Variants in LSAMP observed in about 807,000 individuals in gnomAD.
LSAMP encodes the protein limbic system-associated membrane protein.
A neutral mutation model predicts 38.6 loss-of-function variants in LSAMP; 7 were observed. That is an observed-to-expected ratio of 0.18 (90% CI 0.10 to 0.34). The LOEUF (loss-of-function observed/expected upper bound fraction) is 0.34. Ranked by LOEUF, LSAMP falls within the 10% of genes least tolerant of loss-of-function variation. The probability of loss-of-function intolerance (pLI) is 1.00; values close to 1 mark genes in which losing one functional copy is unlikely to be tolerated. For synonymous variants in LSAMP, 154 were observed against 166.8 expected, an observed-to-expected ratio of 0.92 and a Z score of 0.59; for missense variants, 313 against 420.0, an observed-to-expected ratio of 0.75 and a Z score of 2.23.
chr3:116,113,263 T>G lies in LSAMP; in HGVS notation c.156-26707A>C, dbSNP rs1421325724. Among the ~76,000 whole-genome samples, 3 of 149,990 alleles carry G rather than the reference T, an allele frequency of 2.0e-5. No homozygotes were observed. In the East Asian group the frequency reaches 5.8e-4, roughly 29 times the overall value. On this transcript the variant is annotated intron_variant, in intron 1 of 6. Transcript: ENST00000490035. Reference sequence around the variant, plus strand: ...GAAAAAAAGAATAAGAATGTTTGTATTTGGCCATGTTAAGTCATTCTCTCT... The same window carrying G: ...GAAAAAAAGAATAAGAATGTTTGTAGTTGGCCATGTTAAGTCATTCTCTCT...
intron 1 of LSAMP, among the ~76,000 whole-genome samples, chr3:116,217,476 T>A (rs966878203): frequency 1.3e-5 from 2 of 152,352 alleles, no homozygotes; most frequent in Admixed American, 1.3e-4. Context: ...CATTCTTGCA[T>A]TCATTTCTTC....
At chr3:116,375,365 T>C (rs924586644) in intron 1 of LSAMP, among the ~76,000 whole-genome samples, 1 of 151,904 alleles carries the variant, frequency 6.6e-6, no homozygotes, top group Admixed American at 6.6e-5. Flanking sequence ...TATGCATCCA[T>C]GAAATTTAGA....
chr3:116,378,988 AACACACACACACACACACACAC>A (rs3028640), intron 1 of LSAMP, among the ~76,000 whole-genome samples: 1 of 137,042 alleles, frequency 7.3e-6, no homozygotes, highest in Non-Finnish European at 1.6e-5. Context: ...AATTGCTCAG[AACACACACACACACACACACAC>A]ACACACACAC....
chr3:116,250,562 A>G (rs2046667334), intron 1 of LSAMP, among the ~76,000 whole-genome samples: 1 of 152,124 alleles, frequency 6.6e-6, no homozygotes, highest in Admixed American at 6.5e-5. Context: ...TTAAAAAAAC[A>G]AAACAAAAAG....
At chr3:116,122,985 GT>G (rs1708918095) in intron 1 of LSAMP, among the ~76,000 whole-genome samples, 1 of 152,196 alleles carries the variant, frequency 6.6e-6, no homozygotes, top group Non-Finnish European at 1.5e-5. Context: ...TACAAAAGAG[GT>G]ACTATAAACT....
chr3:115,926,803 T>A (rs1325633398), intron 3 of LSAMP, among the ~76,000 whole-genome samples: 1 of 152,218 alleles, frequency 6.6e-6, no homozygotes, highest in African/African-American at 2.4e-5. Context: ...TTTTACTCCC[T>A]CACTTCACTT....
chr3:116,442,634 TA>T (rs1439322836), intron 1 of LSAMP, among the ~76,000 whole-genome samples: 1 of 152,044 alleles, frequency 6.6e-6, no homozygotes, highest in Non-Finnish European at 1.5e-5. Flanking sequence ...AACCCCAAAA[TA>T]AACCCTTGTC....
intron 1 of LSAMP, among the ~76,000 whole-genome samples, chr3:116,247,499 AT>A (rs1363121620): frequency 4.6e-5 from 7 of 152,248 alleles, no homozygotes; most frequent in African/African-American, 1.7e-4. Context: ...CTACTTGGGA[AT>A]GAAAATCTTA....
chr3:116,250,977 G>A (rs2046673976), intron 1 of LSAMP, among the ~76,000 whole-genome samples: 1 of 152,180 alleles, frequency 6.6e-6, no homozygotes, highest in Non-Finnish European at 1.5e-5. Context: ...AGGACAAACT[G>A]TTTCTGCAAA....
At chr3:116,181,702 A>T (rs944419404) in intron 1 of LSAMP, among the ~76,000 whole-genome samples, 6 of 152,006 alleles carry the variant, frequency 3.9e-5, no homozygotes, top group African/African-American at 1.2e-4. Flanking sequence ...ATTATTCATC[A>T]CAATATCCTA....
rs554580531 is a variant in LSAMP, at chr3:116,195,882, G to T, written c.156-109326C>A. ...ACTAAATTAGAATCTTTGGTGTGTT[G>T]GATCCAAGAATCTATTTTTAAAATA... On this transcript the variant is annotated intron_variant, in intron 1 of 6. Transcript: ENST00000490035. 2.3e-4 allele frequency among the ~76,000 whole-genome samples: 35 copies of T among 152,084 alleles called. No homozygotes were observed. The South Asian group carries it at 6.4e-3, about 28-fold the overall frequency.
intron 1 of LSAMP, among the ~76,000 whole-genome samples, chr3:116,202,636 C>A (rs891646720): frequency 6.6e-6 from 1 of 151,998 alleles, no homozygotes; most frequent in African/African-American, 2.4e-5. Flanking sequence ...GTTGTCCAGG[C>A]TGGTTTAGAA....
intron 3 of LSAMP, among the ~76,000 whole-genome samples, chr3:115,956,355 A>C (rs1938454899): frequency 6.6e-6 from 1 of 151,338 alleles, no homozygotes; most frequent in Admixed American, 6.6e-5. Flanking sequence ...AGAAGAGAGA[A>C]GTTCCAGTTG....
At chr3:115,861,459 T>C (rs760225419) in intron 3 of LSAMP, among the ~76,000 whole-genome samples, 6 of 151,850 alleles carry the variant, frequency 4.0e-5, no homozygotes, top group Non-Finnish European at 8.8e-5. Context: ...TGGGGAATGA[T>C]GTTGAGAAGG....
intron 3 of LSAMP, among the ~76,000 whole-genome samples, chr3:115,906,443 C>T (rs1937010235): frequency 6.6e-6 from 1 of 151,938 alleles, no homozygotes; most frequent in South Asian, 2.1e-4. Context: ...GCTAAGAGAC[C>T]AACTTAATTA....
chr3:115,814,798 G>C (rs1933958859), intron 6 of LSAMP, among the ~76,000 whole-genome samples: 1 of 152,142 alleles, frequency 6.6e-6, no homozygotes, highest in Non-Finnish European at 1.5e-5. Flanking sequence ...ACTGAAAATA[G>C]AACAAAATTC....
chr3:116,231,398 C>A (rs1008322134), intron 1 of LSAMP, among the ~76,000 whole-genome samples: 2 of 152,142 alleles, frequency 1.3e-5, no homozygotes, highest in Non-Finnish European at 2.9e-5. Flanking sequence ...AATTTTGCTT[C>A]CAATTTCTAT....
At chr3:115,899,834 A>G (rs919787435) in intron 3 of LSAMP, among the ~76,000 whole-genome samples, 2 of 152,160 alleles carry the variant, frequency 1.3e-5, no homozygotes, top group African/African-American at 4.8e-5. Context: ...GTCTCTAAAA[A>G]TGGCATCGGA....
chr3:116,220,349 T>TCA (rs1359841982), intron 1 of LSAMP, among the ~76,000 whole-genome samples: 2 of 96,506 alleles, frequency 2.1e-5, no homozygotes, highest in African/African-American at 7.7e-5. Context: ...CATTTGCATA[T>TCA]GACACACACA....
Sources: gnomAD v4.1 joint callset for allele counts (sites outside exome capture counted in the v4.1 genomes callset) on GRCh38, gnomAD v4.1.1 for gene constraint, MANE v1.5 for transcripts, NCBI Gene and HGNC (gene_info 2026-07-23, HGNC 2026-07-21) for gene names.